The following MKLN1 variants were observed in gnomAD, a reference collection of about 807,000 sequenced individuals.
The protein encoded by MKLN1 is muskelin.
Under a neutral mutation model 99.0 loss-of-function variants are expected in MKLN1, and 18 were observed. The observed-to-expected ratio is 0.18, with a 90% CI of 0.13 to 0.27. The LOEUF (loss-of-function observed/expected upper bound fraction) is 0.27. Ranked by LOEUF, MKLN1 falls within the 10% of genes least tolerant of loss-of-function variation. The pLI is 1.00. For synonymous variants in MKLN1, 288 were observed against 293.2 expected (o/e 0.98, Z 0.18); for missense variants, 621 against 875.9 (o/e 0.71, Z 3.67).
rs193255069 is a variant in MKLN1, at chr7:131,411,539, G to A, written c.781+156G>A. 5.3e-5 allele frequency among the ~76,000 whole-genome samples: 8 copies of A among 152,176 alleles called. No individual in the cohort carries two copies. The East Asian group carries it at 7.7e-4, about 15-fold the overall frequency. ...TCTAATCCCAATACTTTTGGAGGCC[G>A]AGGCAGGAGGATTGCTTGAGCCCAG... On this transcript the variant is annotated intron_variant, in intron 7 of 17. Transcript: ENST00000352689.
intron 2 of MKLN1, among the ~76,000 whole-genome samples, chr7:131,169,151 C>T (rs1796179837): frequency 6.6e-6 from 1 of 152,186 alleles, no homozygotes; most frequent in African/African-American, 2.4e-5. Flanking sequence ...AGGTGTGAGC[C>T]ACCTCGCCCG....
At chr7:131,263,073 C>A (rs1410468860) in intron 3 of MKLN1, among the ~76,000 whole-genome samples, 1 of 151,996 alleles carries the variant, frequency 6.6e-6, no homozygotes, top group Non-Finnish European at 1.5e-5. Context: ...AAGAGTGAAA[C>A]GTTTTGGTAA....
chr7:131,116,188 AAT>A (rs34767297), intron 1 of MKLN1, among the ~76,000 whole-genome samples: 17 of 150,872 alleles, frequency 1.1e-4, no homozygotes, highest in Non-Finnish European at 1.5e-4. Flanking sequence ...CTATATAATG[AAT>A]ATATATATAT....
At chr7:131,203,013 T>C (rs1206672078) in intron 3 of MKLN1, 1 of 152,232 alleles carries the variant, frequency 6.6e-6, no homozygotes, top group Non-Finnish European at 1.5e-5. Context: ...TGAATACAAA[T>C]TTACGATTTG....
chr7:131,123,722 A>T (rs1403133756), intron 1 of MKLN1, among the ~76,000 whole-genome samples: 1 of 151,846 alleles, frequency 6.6e-6, no homozygotes, highest in African/African-American at 2.4e-5. Context: ...CAGAAGGCAG[A>T]GGTTGCAGTG....
chr7:131,253,866 A>C (rs982641132), intron 3 of MKLN1, among the ~76,000 whole-genome samples: 1 of 152,228 alleles, frequency 6.6e-6, no homozygotes, highest in Non-Finnish European at 1.5e-5. Flanking sequence ...AACAAGCTAA[A>C]CTGTAGGCTG....
intron 1 of MKLN1, among the ~76,000 whole-genome samples, chr7:131,133,556 G>A (rs1353680501): frequency 6.6e-6 from 1 of 151,126 alleles, no homozygotes; most frequent in African/African-American, 2.4e-5. Context: ...GTTTCACCAT[G>A]TTAGTCAGGA....
At chr7:131,330,402 G>A (rs1184403632) in intron 1 of MKLN1, among the ~76,000 whole-genome samples, 4 of 152,206 alleles carry the variant, frequency 2.6e-5, no homozygotes, top group Admixed American at 1.3e-4. Context: ...ATGATGTGCC[G>A]TCCATTTGCT....
intron 12 of MKLN1, among the ~76,000 whole-genome samples, chr7:131,458,625 G>A (rs1563359005): frequency 6.6e-6 from 1 of 151,952 alleles, no homozygotes; most frequent in Non-Finnish European, 1.5e-5. Context: ...ATGTATCAGT[G>A]CCACCGTCTC....
At chr7:131,264,000 T>C (rs73491184) in intron 3 of MKLN1, among the ~76,000 whole-genome samples, 4,186 of 152,272 alleles carry the variant, frequency 0.027, 181 homozygotes, top group African/African-American at 0.095. Flanking sequence ...CAGAGGCTTT[T>C]CCTTCTGTAT....
chr7:131,352,196 T>C (rs1448769711), intron 1 of MKLN1, among the ~76,000 whole-genome samples: 6 of 152,248 alleles, frequency 3.9e-5, no homozygotes, highest in Non-Finnish European at 8.8e-5. Context: ...TTATTTGTGA[T>C]GCCAGATGGT....
intron 2 of MKLN1, among the ~76,000 whole-genome samples, chr7:131,162,009 G>A (rs1796061286): frequency 1.9e-5 from 2 of 107,368 alleles, no homozygotes; most frequent in African/African-American, 3.4e-5. Flanking sequence ...ATGTAACAGA[G>A]TGATATACAA....
intron 3 of MKLN1, among the ~76,000 whole-genome samples, chr7:131,219,690 A>C (rs796212407): frequency 6.6e-6 from 1 of 152,046 alleles, no homozygotes; most frequent in East Asian, 1.9e-4. Flanking sequence ...AGCCCAGCAC[A>C]GGAGGAAGGG....
chr7:131,317,765 CAAA>C (rs146525048), intron 3 of MKLN1, among the ~76,000 whole-genome samples: 10 of 49,966 alleles, frequency 2.0e-4, no homozygotes, highest in East Asian at 5.9e-4. Context: ...AAATGGAAAG[CAAA>C]AAAAAAAAAA....
At chr7:131,218,228 A>G (rs1797012580) in intron 3 of MKLN1, among the ~76,000 whole-genome samples, 1 of 152,218 alleles carries the variant, frequency 6.6e-6, no homozygotes, top group Non-Finnish European at 1.5e-5. Flanking sequence ...GATGTTATCC[A>G]TAGGGGCAAT....
intron 2 of MKLN1, among the ~76,000 whole-genome samples, chr7:131,165,087 T>TG (rs1796104519): frequency 6.6e-6 from 1 of 151,150 alleles, no homozygotes. Context: ...CCAGGGAGAG[T>TG]GGGGATGGCT....
At position 131,492,272 on chromosome 7, in the gene MKLN1, T is replaced by C. The variant is rs953187574; in HGVS notation, c.*4544T>C. 2.0e-5 allele frequency: 3 copies of C among 152,212 alleles called. No individual in the cohort carries two copies. The highest frequency in any genetic ancestry group is 2.1e-4 in the South Asian group (1 of 4,828). The allele number at this position is 152,212 out of a possible 1,614,324, so 9.4% of individuals were successfully genotyped here. On this transcript the variant is annotated 3_prime_UTR_variant, in exon 18 of 18. Transcript: ENST00000352689. ...CTATTCCTACCTCCCATGAGTAACATTGATTTCTGCTGAAGTTAGAATTTG... is the reference window on the plus strand; with the variant it reads ...CTATTCCTACCTCCCATGAGTAACACTGATTTCTGCTGAAGTTAGAATTTG...
chr7:131,489,719 T>TGGAGGAACATCAGTTCCTTAAGGAA lies in MKLN1; in HGVS notation c.*1991_*1992insGGAGGAACATCAGTTCCTTAAGGAA, dbSNP rs1399781191. 1 of 152,184 alleles carries TGGAGGAACATCAGTTCCTTAAGGAA rather than the reference T, an allele frequency of 6.6e-6. No individual in the cohort carries two copies. Among genetic ancestry groups the TGGAGGAACATCAGTTCCTTAAGGAA allele is most frequent in the Non-Finnish European group, 1.5e-5 (1 of 68,014 alleles). 9.4% of individuals were successfully genotyped at this position (152,184 alleles called of 1,614,324 possible). A position where few individuals can be genotyped will look rare whatever the true frequency, so the allele number is the denominator to read the frequency against. ...TTTTTACAGTGCTTTGTAATTTTTT[T>TGGAGGAACATCAGTTCCTTAAGGAA]CATCAGTTCCTTAAATGTTATTTGG... is the stretch of plus-strand genomic sequence containing the variant. On this transcript the variant is annotated 3_prime_UTR_variant, in exon 18 of 18. Coordinates refer to ENST00000352689, the MANE Select transcript of MKLN1 (RefSeq NM_013255.5).
At chr7:131,221,817 G>C (rs934739820) in intron 3 of MKLN1, among the ~76,000 whole-genome samples, 7 of 148,492 alleles carry the variant, frequency 4.7e-5, no homozygotes, top group Admixed American at 2.7e-4. Context: ...CACCATGCCC[G>C]GCCTCTTGCC....
Sources: gnomAD v4.1 joint callset for allele counts (sites outside exome capture counted in the v4.1 genomes callset) on GRCh38, gnomAD v4.1.1 for gene constraint, MANE v1.5 for transcripts, NCBI Gene and HGNC (gene_info 2026-07-23, HGNC 2026-07-21) for gene names.